Variants in MIPOL1 observed in about 807,000 individuals in gnomAD.
MIPOL1 encodes mirror-image polydactyly gene 1 protein.
Under a neutral mutation model 60.9 loss-of-function variants are expected in MIPOL1, and 57 were observed. That is an observed-to-expected ratio of 0.94 (90% CI 0.76 to 1.17). MIPOL1 has a LOEUF of 1.17. Ranked by LOEUF, MIPOL1 falls within the 50% of genes most tolerant of loss-of-function variation. The pLI, the probability that MIPOL1 is intolerant of heterozygous loss-of-function variation, is 0.00. For missense variants in MIPOL1, 551 were observed against 511.6 expected (o/e 1.08, Z -0.74); for synonymous variants, 179 against 168.8 (o/e 1.06, Z -0.47).
chr14:37,395,372 C>T (rs568819965), intron 10 of MIPOL1, among the ~76,000 whole-genome samples: 104 of 152,202 alleles, frequency 6.8e-4, no homozygotes, highest in African/African-American at 2.4e-3. Flanking sequence ...TGATTCTACC[C>T]ATCCATGAGT....
At chr14:37,525,014 A>G in intron 12 of MIPOL1, among the ~76,000 whole-genome samples, 1 of 152,344 alleles carries the variant, frequency 6.6e-6, no homozygotes, top group African/African-American at 2.4e-5. Flanking sequence ...CGAAATAAGA[A>G]TAAAAGGGGT....
chr14:37,275,422 A>G (rs946459894), intron 6 of MIPOL1, among the ~76,000 whole-genome samples: 2 of 151,206 alleles, frequency 1.3e-5, no homozygotes, highest in African/African-American at 4.8e-5. Flanking sequence ...AGCATTTTAA[A>G]ATTTATTTTA....
intron 3 of MIPOL1, among the ~76,000 whole-genome samples, chr14:37,255,092 C>A (rs768340920): frequency 1.5e-4 from 23 of 151,834 alleles, no homozygotes; most frequent in Non-Finnish European, 2.4e-4. Flanking sequence ...TAAAAATCCT[C>A]ATTTATTTCT....
intron 9 of MIPOL1, among the ~76,000 whole-genome samples, chr14:37,340,576 G>T (rs1041436648): frequency 1.3e-5 from 2 of 151,752 alleles, no homozygotes; most frequent in Admixed American, 1.3e-4. Context: ...TGGATGTGGT[G>T]GTGCGTGCCT....
intron 11 of MIPOL1, among the ~76,000 whole-genome samples, chr14:37,458,803 G>A (rs1410314328): frequency 6.6e-6 from 1 of 152,050 alleles, no homozygotes; most frequent in Non-Finnish European, 1.5e-5. Context: ...AGTGAGCCGA[G>A]ATTGTGCCGC....
At chr14:37,239,453 A>T (rs1024760202) in intron 1 of MIPOL1, among the ~76,000 whole-genome samples, 1 of 152,140 alleles carries the variant, frequency 6.6e-6, no homozygotes, top group Non-Finnish European at 1.5e-5. Context: ...GATAGCTTTT[A>T]AAAAAATGTG....
At chr14:37,259,188 A>G (rs1416079879) in intron 3 of MIPOL1, among the ~76,000 whole-genome samples, 2 of 152,150 alleles carry the variant, frequency 1.3e-5, no homozygotes, top group Admixed American at 6.6e-5. Flanking sequence ...TCAGTATCTT[A>G]TAGCTACACG....
chr14:37,256,018 A>T (rs747112342), intron 3 of MIPOL1, among the ~76,000 whole-genome samples: 7 of 151,838 alleles, frequency 4.6e-5, no homozygotes, highest in Non-Finnish European at 7.4e-5. Flanking sequence ...TTAACAATTA[A>T]ATGCTCCTTT....
intron 11 of MIPOL1, among the ~76,000 whole-genome samples, chr14:37,457,991 A>T (rs1054144636): frequency 1.3e-5 from 2 of 152,116 alleles, no homozygotes; most frequent in Non-Finnish European, 2.9e-5. Flanking sequence ...GTTGAAAAAG[A>T]TATACCATAC....
intron 1 of MIPOL1, among the ~76,000 whole-genome samples, chr14:37,201,097 G>A (rs1297983942): frequency 6.6e-6 from 1 of 151,494 alleles, no homozygotes; most frequent in Non-Finnish European, 1.5e-5. Flanking sequence ...TGGAGATGGG[G>A]TTTTGCCATG....
chr14:37,234,130 C>G (rs950172344), intron 1 of MIPOL1, among the ~76,000 whole-genome samples: 10 of 152,154 alleles, frequency 6.6e-5, no homozygotes, highest in Admixed American at 5.9e-4. Context: ...TGGCACCCAT[C>G]GGGTAGAAAG....
At chr14:37,516,119 T>C (rs2095367423) in intron 12 of MIPOL1, among the ~76,000 whole-genome samples, 2 of 152,218 alleles carry the variant, frequency 1.3e-5, no homozygotes, top group African/African-American at 4.8e-5. Context: ...CAGCCTTGTC[T>C]ATTCAGTGTG....
intron 9 of MIPOL1, among the ~76,000 whole-genome samples, chr14:37,343,881 A>T (rs778802073): frequency 1.6e-4 from 25 of 152,146 alleles, no homozygotes; most frequent in Non-Finnish European, 3.4e-4. Flanking sequence ...TTTCAGTGAC[A>T]AATTCCTTCT....
intron 11 of MIPOL1, among the ~76,000 whole-genome samples, chr14:37,456,323 G>A (rs2094475920): frequency 6.6e-6 from 1 of 151,916 alleles, no homozygotes; most frequent in African/African-American, 2.4e-5. Context: ...AATGATACCT[G>A]TCCATAGTAT....
chr14:37,228,475 A>T (rs1423702444), intron 1 of MIPOL1, among the ~76,000 whole-genome samples: 7 of 151,454 alleles, frequency 4.6e-5, no homozygotes. Context: ...ACCTTACCTT[A>T]CCTAAAAAAC....
At chr14:37,506,200 C>T (rs527420056) in intron 12 of MIPOL1, 2 of 152,238 alleles carry the variant, frequency 1.3e-5, no homozygotes, top group South Asian at 2.1e-4. Flanking sequence ...AGATTCAGTG[C>T]CATTCCCATC....
intron 11 of MIPOL1, among the ~76,000 whole-genome samples, chr14:37,433,704 C>T (rs894892354): frequency 2.0e-5 from 3 of 151,990 alleles, no homozygotes; most frequent in Admixed American, 6.6e-5. Context: ...TACAGGTGCC[C>T]GCCACCATGC....
intron 10 of MIPOL1, among the ~76,000 whole-genome samples, chr14:37,378,138 A>G (rs2092826369): frequency 6.6e-6 from 1 of 152,086 alleles, no homozygotes; most frequent in African/African-American, 2.4e-5. Context: ...GCAGTTTATT[A>G]TAAAGTTAAA....
intron 9 of MIPOL1, 115 bp downstream of exon 9, chr14:37,308,634 ATAAT>A (rs1376330664): frequency 2.1e-5 from 13 of 609,564 alleles, no homozygotes; most frequent in African/African-American, 1.3e-4. Context: ...TTTTTAGCAC[ATAAT>A]TAATACCACA....
Sources: allele counts gnomAD v4.1 joint callset (sites outside exome capture counted in the v4.1 genomes callset), GRCh38; gene constraint gnomAD v4.1.1; transcripts MANE v1.5; gene names NCBI Gene and HGNC (gene_info 2026-07-23, HGNC 2026-07-21).